ANKS6: variants seen among roughly 807,000 people sequenced by gnomAD.
The protein encoded by ANKS6 is ankyrin repeat and SAM domain-containing protein 6.
ANKS6 carries 47 observed loss-of-function variants against 77.9 expected under a neutral mutation model. That is an observed-to-expected ratio of 0.60 (90% CI 0.48 to 0.77). The LOEUF is 0.77. Ranked by LOEUF, ANKS6 falls within the 30% of genes least tolerant of loss-of-function variation. The pLI, the probability that ANKS6 is intolerant of heterozygous loss-of-function variation, is 0.00. For synonymous variants in ANKS6, 488 were observed against 501.7 expected, an observed-to-expected ratio of 0.97 and a Z score of 0.37; for missense variants, 1,150 against 1,159.1, an observed-to-expected ratio of 0.99 and a Z score of 0.11.
At chr9:98,795,706 C>A (rs1181470688) in intron 1 of ANKS6, among the ~76,000 whole-genome samples, 1 of 152,196 alleles carries the variant, frequency 6.6e-6, no homozygotes, top group Non-Finnish European at 1.5e-5. Flanking sequence ...CCCACAGCTA[C>A]TCAAACCTTT....
At chr9:98,789,932 C>A in intron 2 of ANKS6, 172 bp downstream of exon 2, 1 of 992,594 alleles carries the variant, frequency 1.0e-6, no homozygotes, top group Non-Finnish European at 1.4e-6. Flanking sequence ...CCAGAACCTG[C>A]ATGTCACAGG....
chr9:98,734,893 C>T lies in ANKS6; in HGVS notation c.*1626G>A. 1 of 985,442 alleles carries T rather than the reference C, an allele frequency of 1.0e-6. No individual in the cohort carries two copies. Among genetic ancestry groups the T allele is most frequent in the Non-Finnish European group, 1.2e-6 (1 of 829,944 alleles). The allele number at this position is 985,442 out of a possible 1,614,324, so 61.0% of individuals were successfully genotyped here. ...TGTCTTCAGTCCTGTGGAAAGTTGG[C>T]TTCTGTGAGTGTAAGGCTGAGAGAA... On this transcript the variant is annotated 3_prime_UTR_variant, in exon 15 of 15. Transcript: ENST00000353234.
At chr9:98,754,595 T>A (rs1257429985) in intron 12 of ANKS6, among the ~76,000 whole-genome samples, 2 of 150,988 alleles carry the variant, frequency 1.3e-5, no homozygotes, top group East Asian at 3.9e-4. Context: ...TGAGCCGAGA[T>A]CGCGCCACTG....
At chr9:98,738,978 G>A (rs1166939688) in intron 14 of ANKS6, among the ~76,000 whole-genome samples, 3 of 152,148 alleles carry the variant, frequency 2.0e-5, no homozygotes, top group African/African-American at 4.8e-5. Flanking sequence ...ATTATTCTAA[G>A]TGAAGGAGAC....
chr9:98,750,437 C>T (rs527934047), intron 13 of ANKS6, among the ~76,000 whole-genome samples: 23 of 152,284 alleles, frequency 1.5e-4, no homozygotes, highest in African/African-American at 4.3e-4. Context: ...ACATTTGGGT[C>T]GTATCCACAG....
chr9:98,796,196 C>T lies in ANKS6; in HGVS notation c.296G>A (p.Arg99His). 2 of 1,418,134 alleles carry T rather than the reference C, an allele frequency of 1.4e-6. No individual in the cohort carries two copies. Among genetic ancestry groups the T allele is most frequent in the Non-Finnish European group, 1.8e-6 (2 of 1,085,714 alleles). 87.8% of individuals were successfully genotyped at this position (1,418,134 alleles called of 1,614,324 possible). A position where few individuals can be genotyped will look rare whatever the true frequency, so the allele number is the denominator to read the frequency against. The change falls in exon 1 of 15, where the codon CGC (arginine) becomes CAC (histidine). Residue 99 changes from arginine (R) to histidine (H), a missense_variant. Arg to His is a conservative substitution (Grantham distance 29). Coordinates refer to ENST00000353234, the MANE Select transcript of ANKS6 (RefSeq NM_173551.5). ...GCGGCTGTTGACCGAGGCACCGCGG[C>T]GCAGCAGGAAGCGCACCAGCGGTTC... ...GHEPLVRFLLRRGASVNSRNH... is the reference protein window; with the variant it reads ...GHEPLVRFLLHRGASVNSRNH...
At chr9:98,792,011 G>C (rs1834928470) in intron 1 of ANKS6, among the ~76,000 whole-genome samples, 1 of 152,068 alleles carries the variant, frequency 6.6e-6, no homozygotes, top group African/African-American at 2.4e-5. Flanking sequence ...CTCCAGTCTC[G>C]TTCCCTCCTG....
At chr9:98,782,863 A>C (rs1256115798) in intron 4 of ANKS6, among the ~76,000 whole-genome samples, 1 of 152,158 alleles carries the variant, frequency 6.6e-6, no homozygotes, top group Non-Finnish European at 1.5e-5. Context: ...TGGGAGGATC[A>C]CTTGAGCCCA....
In ANKS6 at chr9:98,733,502, T is replaced by G. The variant is rs1056799242; in HGVS notation, c.*3017A>C. 10 of 985,396 alleles carry G rather than the reference T, an allele frequency of 1.0e-5. No homozygotes were observed. The allele number at this position is 985,396 out of a possible 1,614,324, so 61.0% of individuals were successfully genotyped here. On this transcript the variant is annotated 3_prime_UTR_variant, in exon 15 of 15. Transcript: ENST00000353234. Reference sequence around the variant, plus strand: ...GTCCCACTGCCAAGCAGGCCACCTCTGCAGAGCTGCTGGGGAGAAAAAGGT... The same window carrying G: ...GTCCCACTGCCAAGCAGGCCACCTCGGCAGAGCTGCTGGGGAGAAAAAGGT...
chr9:98,790,412 C>T lies in ANKS6; in HGVS notation c.554G>A (p.Ser185Asn), dbSNP rs781610601. The T allele has an allele frequency of 1.2e-5, 20 of 1,613,744 alleles. No individual in the cohort carries two copies. The East Asian group carries it at 4.2e-4, about 34-fold the overall frequency. The change falls in exon 2 of 15, where the codon AGC (serine) becomes AAC (asparagine). Residue 185 changes from serine to asparagine, a missense_variant. Physicochemically the swap from Ser to Asn is conservative, Grantham distance 46. Transcript: ENST00000353234. Reference protein sequence around the residue: ...PSGEQLGLGGSRDEPLDITAL... With the variant: ...PSGEQLGLGGNRDEPLDITAL... Reference sequence around the variant, plus strand: ...TGTGATGTCCAAGGGCTCATCCCTGCTGCCGCCCAACCCCAGTTGCTCGCC... The same window carrying T: ...TGTGATGTCCAAGGGCTCATCCCTGTTGCCGCCCAACCCCAGTTGCTCGCC...
At position 98,796,193 on chromosome 9, in the gene ANKS6, C is replaced by A; in HGVS notation, c.299G>T (p.Arg100Leu). Residue 100 changes from arginine (R) to leucine (L), a missense_variant, in exon 1 of 15, where the codon CGC (arginine) becomes CTC (leucine). Arg to Leu is a moderately radical substitution (Grantham distance 102). Transcript: ENST00000353234. ...HEPLVRFLLR[R>L]GASVNSRNHY... ...GTTGCGGCTGTTGACCGAGGCACCG[C>A]GGCGCAGCAGGAAGCGCACCAGCGG... 1 of 1,418,448 alleles carries A rather than the reference C, an allele frequency of 7.0e-7. No homozygotes were observed. The highest frequency in any genetic ancestry group is 9.2e-7 in the Non-Finnish European group (1 of 1,086,022). 87.9% of individuals were successfully genotyped at this position (1,418,448 alleles called of 1,614,324 possible).
At position 98,735,854 on chromosome 9, in the gene ANKS6, CA is replaced by C; in HGVS notation, c.*664del. The C allele has an allele frequency of 8.1e-7, 1 of 1,231,748 alleles. No individual in the cohort carries two copies. Among genetic ancestry groups the C allele is most frequent in the Non-Finnish European group, 1.0e-6 (1 of 988,068 alleles). 76.3% of individuals were successfully genotyped at this position (1,231,748 alleles called of 1,614,324 possible). A position where few individuals can be genotyped will look rare whatever the true frequency, so the allele number is the denominator to read the frequency against. On this transcript the variant is annotated 3_prime_UTR_variant, in exon 15 of 15. Coordinates refer to ENST00000353234, the MANE Select transcript of ANKS6 (RefSeq NM_173551.5). ...CAGCAGGTGCAGTGGAATGCTACAGCAGTCACATACACAGCACTAAGGGACC... is the reference window on the plus strand; with the variant it reads ...CAGCAGGTGCAGTGGAATGCTACAGCGTCACATACACAGCACTAAGGGACC...
intron 5 of ANKS6, among the ~76,000 whole-genome samples, chr9:98,781,686 C>T (rs559052488): frequency 3.1e-4 from 47 of 152,172 alleles, no homozygotes; most frequent in African/African-American, 9.4e-4. Context: ...AGTGCTGTGA[C>T]GAGGAAGGGC....
At chr9:98,773,589 C>T (rs953396793) in intron 9 of ANKS6, among the ~76,000 whole-genome samples, 1 of 152,164 alleles carries the variant, frequency 6.6e-6, no homozygotes, top group Non-Finnish European at 1.5e-5. Context: ...TCCTCATCTA[C>T]TAAAAGGAAG....
chr9:98,780,177 G>A lies in ANKS6; in HGVS notation c.1368+12C>T. On this transcript the variant is annotated intron_variant, in intron 6 of 14. Transcript: ENST00000353234. ...TAGCCCCCAAGCCCCTTTAAGACAG[G>A]AAAAGGCAAACCTTCAGTCCACCCT... The A allele has an allele frequency of 6.2e-7, 1 of 1,613,138 alleles. No homozygotes were observed.
intron 11 of ANKS6, 116 bp from the exon 12 acceptor site, chr9:98,756,719 C>A: frequency 1.1e-6 from 1 of 872,874 alleles, no homozygotes; most frequent in Non-Finnish European, 1.6e-6. Flanking sequence ...GATGTTTAAC[C>A]AAGACTATGA....
At chr9:98,775,780 C>T (rs1483090164) in intron 8 of ANKS6, among the ~76,000 whole-genome samples, 1 of 152,178 alleles carries the variant, frequency 6.6e-6, no homozygotes, top group Non-Finnish European at 1.5e-5. Flanking sequence ...TTTACTGCTT[C>T]TTCCAAAATT....
rs1009405513 is a variant in ANKS6 at position 98,793,098 on chromosome 9, C to T, written c.360-2492G>A. ...TGTTTAAAGAGCTGGCACACATTTT[C>T]CCCTCTCAAAGCACTGGGCTGAGAG... is the stretch of plus-strand genomic sequence containing the variant. On this transcript the variant is annotated intron_variant, in intron 1 of 14. Transcript: ENST00000353234. Among the ~76,000 whole-genome samples the T allele has an allele frequency of 5.9e-5, 9 of 152,340 alleles. No individual in the cohort carries two copies. The South Asian group carries it at 1.7e-3, about 28-fold the overall frequency.
rs753920769 is a variant in ANKS6, at chr9:98,790,304, G to A, written c.662C>T (p.Ala221Val). 6.2e-6 allele frequency: 10 copies of A among 1,607,046 alleles called. No homozygotes were observed. The highest frequency in any genetic ancestry group is 3.3e-5 in the South Asian group (3 of 90,970). ...CAGCGGGCTCCAGCCCACGGTCCGG[G>A]CTGCGTGGTTGGGGTCCGCGCCCCA... ...MEWGADPNHA[A>V]RTVGWSPLML... Residue 221 changes from alanine to valine, a missense_variant, in exon 2 of 15, where the codon GCC becomes GTC. Coordinates refer to ENST00000353234, the MANE Select transcript of ANKS6 (RefSeq NM_173551.5).
Sources: allele counts gnomAD v4.1 joint callset (sites outside exome capture counted in the v4.1 genomes callset), GRCh38; gene constraint gnomAD v4.1.1; transcripts MANE v1.5; gene names NCBI Gene and HGNC (gene_info 2026-07-23, HGNC 2026-07-21).